The following CDH12 variants were observed in gnomAD, a reference collection of about 807,000 sequenced individuals.
CDH12 encodes the protein cadherin 12.
In CDH12, 41 loss-of-function variants were observed where a neutral mutation model predicts 74.1. That is an observed-to-expected ratio of 0.55 (90% confidence interval 0.43 to 0.72). The LOEUF is 0.72. CDH12 is among the 30% of genes least tolerant of loss of function. The pLI is 0.00. For missense variants in CDH12, 945 were observed against 977.2 expected (o/e 0.97, Z 0.44); for synonymous variants, 399 against 355.0 (o/e 1.12, Z -1.39).
At chr5:22,771,973 C>T (rs979721904) in intron 1 of CDH12, among the ~76,000 whole-genome samples, 1 of 151,810 alleles carries the variant, frequency 6.6e-6, no homozygotes, top group African/African-American at 2.4e-5. Context: ...TTCTGAAGAA[C>T]ATTGACAACT....
chr5:21,800,838 T>G (rs868308588), intron 10 of CDH12, among the ~76,000 whole-genome samples: 4 of 152,198 alleles, frequency 2.6e-5, no homozygotes, highest in Non-Finnish European at 5.9e-5. Context: ...ATAAGTTGTT[T>G]GACTGTTCCT....
At chr5:21,838,083 A>G (rs373735741) in intron 8 of CDH12, among the ~76,000 whole-genome samples, 2 of 152,184 alleles carry the variant, frequency 1.3e-5, no homozygotes, top group African/African-American at 4.8e-5. Flanking sequence ...ACTGGAAGGA[A>G]TTTGAACTTC....
intron 1 of CDH12, among the ~76,000 whole-genome samples, chr5:22,791,892 G>T (rs1747926227): frequency 6.6e-6 from 1 of 152,066 alleles, no homozygotes; most frequent in Non-Finnish European, 1.5e-5. Context: ...GACATGTTGG[G>T]ATTACAATTC....
At chr5:22,727,252 G>A (rs908732566) in intron 1 of CDH12, among the ~76,000 whole-genome samples, 3 of 151,716 alleles carry the variant, frequency 2.0e-5, no homozygotes, top group Non-Finnish European at 4.4e-5. Context: ...CAGACAAAAC[G>A]TTAAGTAGGA....
intron 6 of CDH12, among the ~76,000 whole-genome samples, chr5:21,945,655 G>C (rs1189084004): frequency 6.6e-6 from 1 of 151,488 alleles, no homozygotes; most frequent in African/African-American, 2.4e-5. Flanking sequence ...TTCAGAGGAT[G>C]GTCACAAAAG....
intron 2 of CDH12, among the ~76,000 whole-genome samples, chr5:22,459,941 C>T (rs1193262602): frequency 6.6e-6 from 1 of 152,030 alleles, no homozygotes. Context: ...GTACTCCAAC[C>T]GGGGCAACAG....
chr5:22,240,900 C>A (rs756003369), intron 3 of CDH12, among the ~76,000 whole-genome samples: 5 of 151,412 alleles, frequency 3.3e-5, no homozygotes, highest in Non-Finnish European at 5.9e-5. Context: ...TTATAATTAA[C>A]ATAGAAGAAA....
At chr5:21,841,451 G>A (rs1221564227) in intron 8 of CDH12, among the ~76,000 whole-genome samples, 10 of 151,312 alleles carry the variant, frequency 6.6e-5, no homozygotes, top group East Asian at 2.0e-4. Flanking sequence ...TCAGTGTGGC[G>A]ATTCCTCAGG....
intron 6 of CDH12, among the ~76,000 whole-genome samples, chr5:21,920,429 A>C: frequency 6.6e-6 from 1 of 152,148 alleles, no homozygotes; most frequent in East Asian, 1.9e-4. Context: ...ACACAAGAAT[A>C]GAAAACCAAA....
In CDH12 at chr5:21,763,823, T is replaced by C. The variant is rs1362573809; in HGVS notation, c.1515+1155A>G. Among the ~76,000 whole-genome samples the C allele has an allele frequency of 4.6e-5, 7 of 152,302 alleles. No homozygotes were observed. In the East Asian group the frequency reaches 1.3e-3, roughly 29 times the overall value. On this transcript the variant is annotated intron_variant, in intron 12 of 14. Transcript: ENST00000382254. ...CAGTTTCATTAACTTTGTGGTCTTC[T>C]TTCCTCATAACATCTTCCCACAACT... is the stretch of plus-strand genomic sequence containing the variant.
chr5:21,786,305 C>T (rs1746195063), intron 10 of CDH12, among the ~76,000 whole-genome samples: 2 of 152,108 alleles, frequency 1.3e-5, no homozygotes. Flanking sequence ...AGGTGCATGC[C>T]ACTACGCCTG....
intron 1 of CDH12, among the ~76,000 whole-genome samples, chr5:22,678,053 G>GC (rs1470498724): frequency 2.7e-5 from 4 of 150,462 alleles, no homozygotes; most frequent in African/African-American, 7.3e-5. Context: ...ATGGGGGGGG[G>GC]GGTTAGGATT....
At chr5:22,792,534 G>A (rs1239572883) in intron 1 of CDH12, among the ~76,000 whole-genome samples, 4 of 152,164 alleles carry the variant, frequency 2.6e-5, no homozygotes, top group African/African-American at 9.7e-5. Context: ...ATTAAGATGT[G>A]TCATGCCTTC....
At chr5:22,789,827 A>G (rs1384975425) in intron 1 of CDH12, among the ~76,000 whole-genome samples, 2 of 151,848 alleles carry the variant, frequency 1.3e-5, no homozygotes, top group Non-Finnish European at 2.9e-5. Context: ...TGATGTAACT[A>G]TAAATAGTTA....
At chr5:22,731,618 T>C (rs1234521222) in intron 1 of CDH12, among the ~76,000 whole-genome samples, 1 of 151,918 alleles carries the variant, frequency 6.6e-6, no homozygotes, top group South Asian at 2.1e-4. Context: ...ATATCCTTTT[T>C]AATGAATATT....
chr5:22,085,640 T>C (rs975305371), intron 4 of CDH12, among the ~76,000 whole-genome samples: 2 of 152,138 alleles, frequency 1.3e-5, no homozygotes, highest in African/African-American at 4.8e-5. Flanking sequence ...TTTGAAATAG[T>C]AATCAAAAGT....
At chr5:22,072,542 GT>G (rs1488130938) in intron 5 of CDH12, among the ~76,000 whole-genome samples, 1 of 149,514 alleles carries the variant, frequency 6.7e-6, no homozygotes, top group African/African-American at 2.5e-5. Context: ...GTGTGTGTGT[GT>G]GTGTGTGTGT....
chr5:22,203,865 A>G (rs1370906508), intron 4 of CDH12, among the ~76,000 whole-genome samples: 2 of 152,116 alleles, frequency 1.3e-5, no homozygotes, highest in Admixed American at 6.5e-5. Context: ...GCATTTTTTC[A>G]TGTTCCTGTT....
chr5:21,957,472 C>T (rs1442416326), intron 6 of CDH12, among the ~76,000 whole-genome samples: 1 of 152,072 alleles, frequency 6.6e-6, no homozygotes, highest in Non-Finnish European at 1.5e-5. Flanking sequence ...CTGCTTTTAT[C>T]TCTTTGAGGA....
Sources: gnomAD v4.1 joint callset for allele counts (sites outside exome capture counted in the v4.1 genomes callset) on GRCh38, gnomAD v4.1.1 for gene constraint, MANE v1.5 for transcripts, NCBI Gene and HGNC (gene_info 2026-07-23, HGNC 2026-07-21) for gene names.